Variants in GALNT17 observed in about 807,000 individuals in gnomAD.
GALNT17 encodes polypeptide N-acetylgalactosaminyltransferase 17.
GALNT17 carries 29 observed loss-of-function variants against 63.7 expected under a neutral mutation model. The ratio of observed to expected loss-of-function variants is 0.46; its 90% CI spans 0.34 to 0.62. The LOEUF is 0.62. GALNT17 is among the 20% of genes least tolerant of loss of function. GALNT17 has a pLI of 0.01. For missense variants in GALNT17, 603 were observed against 799.6 expected, an observed-to-expected ratio of 0.75 and a Z score of 2.97; for synonymous variants, 305 against 318.3, an observed-to-expected ratio of 0.96 and a Z score of 0.45.
At chr7:71,572,504 T>TAAAAAAAAAA (rs371372359) in intron 6 of GALNT17, among the ~76,000 whole-genome samples, 36 of 44,486 alleles carry the variant, frequency 8.1e-4, no homozygotes, top group African/African-American at 3.8e-3. Flanking sequence ...CCTGTCTCAT[T>TAAAAAAAAAA]AAAAAAAAAA....
intron 10 of GALNT17, 130 bp from the exon 11 acceptor site, chr7:71,711,884 CTCTT>C (rs1444395244): frequency 1.5e-5 from 15 of 978,824 alleles, no homozygotes; most frequent in Admixed American, 8.0e-5. Context: ...CTCTGTCTCT[CTCTT>C]TCTCTTCTCT....
intron 3 of GALNT17, among the ~76,000 whole-genome samples, chr7:71,414,098 G>A (rs1331603791): frequency 4.6e-5 from 7 of 151,918 alleles, no homozygotes; most frequent in Non-Finnish European, 7.4e-5. Context: ...AAAATTAGCC[G>A]GCTGTGGTGA....
At chr7:71,700,375 C>A (rs1447967983) in intron 9 of GALNT17, among the ~76,000 whole-genome samples, 1 of 152,062 alleles carries the variant, frequency 6.6e-6, no homozygotes, top group African/African-American at 2.4e-5. Flanking sequence ...CTTCTTCTAA[C>A]CTTCACTGTC....
At chr7:71,372,136 A>G (rs1173056991) in intron 2 of GALNT17, among the ~76,000 whole-genome samples, 1 of 152,130 alleles carries the variant, frequency 6.6e-6, no homozygotes, top group East Asian at 1.9e-4. Flanking sequence ...ACGCACCACC[A>G]TGCCCACCTA....
At chr7:71,189,477 GAT>G (rs1216242794) in intron 1 of GALNT17, among the ~76,000 whole-genome samples, 1 of 152,150 alleles carries the variant, frequency 6.6e-6, no homozygotes. Context: ...GCGTCAGAGG[GAT>G]TGATAAGACC....
intron 6 of GALNT17, among the ~76,000 whole-genome samples, chr7:71,575,624 G>A (rs1309601185): frequency 1.3e-5 from 2 of 152,010 alleles, no homozygotes; most frequent in Non-Finnish European, 2.9e-5. Context: ...TCCTGACCTC[G>A]TGATCCGCCC....
intron 3 of GALNT17, among the ~76,000 whole-genome samples, chr7:71,405,906 C>T (rs113434036): frequency 1.4e-4 from 22 of 152,268 alleles, no homozygotes; most frequent in African/African-American, 4.3e-4. Context: ...TCTGTGCTTC[C>T]GTTTTCTCAT....
At chr7:71,169,208 G>A (rs1378961662) in intron 1 of GALNT17, among the ~76,000 whole-genome samples, 1 of 152,044 alleles carries the variant, frequency 6.6e-6, no homozygotes, top group East Asian at 1.9e-4. Flanking sequence ...AAGTAATTAC[G>A]ATTTTTGCAC....
chr7:71,323,984 G>A (rs1242943669), intron 1 of GALNT17, among the ~76,000 whole-genome samples: 1 of 152,142 alleles, frequency 6.6e-6, no homozygotes, highest in Non-Finnish European at 1.5e-5. Flanking sequence ...GTCCAGAAAG[G>A]ATTTCCGGGG....
chr7:71,555,720 G>A (rs531466733), intron 5 of GALNT17, among the ~76,000 whole-genome samples: 1 of 152,200 alleles, frequency 6.6e-6, no homozygotes, highest in Middle Eastern at 3.4e-3. Flanking sequence ...CCTCAACACA[G>A]GCAAGTTTTC....
At position 71,695,382 on chromosome 7, in the gene GALNT17, G is replaced by C. The variant is rs74802638; in HGVS notation, c.1501-15379G>C. On this transcript the variant is annotated intron_variant, in intron 9 of 10. Transcript: ENST00000333538. ...ACATAGTGCTTGAATCCAGCATGATGAGTCATATGGCAGAAGGGAGAAGCC... is the reference window on the plus strand; with the variant it reads ...ACATAGTGCTTGAATCCAGCATGATCAGTCATATGGCAGAAGGGAGAAGCC... Among the ~76,000 whole-genome samples the C allele has an allele frequency of 1.9e-3, 287 of 152,292 alleles. 2 individuals carry two copies. Among genetic ancestry groups the C allele is most frequent in the African/African-American group, 6.2e-3 (258 of 41,574 alleles).
chr7:71,151,348 G>A (rs553164148), intron 1 of GALNT17, among the ~76,000 whole-genome samples: 2 of 152,290 alleles, frequency 1.3e-5, no homozygotes, highest in South Asian at 2.1e-4. Context: ...TTGGCTGGGC[G>A]TGGTGGCTCA....
intron 5 of GALNT17, among the ~76,000 whole-genome samples, chr7:71,515,978 G>A (rs897012397): frequency 7.9e-5 from 12 of 152,150 alleles, no homozygotes; most frequent in South Asian, 2.1e-4. Flanking sequence ...CTGGATCCAC[G>A]TGTTGCATAT....
chr7:71,136,495 C>CT (rs1480119797), intron 1 of GALNT17, among the ~76,000 whole-genome samples: 2 of 150,990 alleles, frequency 1.3e-5, no homozygotes, highest in Non-Finnish European at 3.0e-5. Context: ...GCTTCCTCTT[C>CT]TTTTTTTTTG....
At chr7:71,511,353 T>C (rs1052580237) in intron 5 of GALNT17, among the ~76,000 whole-genome samples, 2 of 152,156 alleles carry the variant, frequency 1.3e-5, no homozygotes, top group African/African-American at 2.4e-5. Context: ...AGAATGAGGT[T>C]AGGGGAGAGC....
In GALNT17 at chr7:71,489,034, C is replaced by T. The variant is rs542428828; in HGVS notation, c.962+67929C>T. On this transcript the variant is annotated intron_variant, in intron 5 of 10. Transcript: ENST00000333538. ...TCAGCCTCCCAAGTACCTGGGACTA[C>T]AGGCGAGCACCACCACACCTCGCAA... Among the ~76,000 whole-genome samples, 7 of 150,330 alleles carry T rather than the reference C, an allele frequency of 4.7e-5. No individual in the cohort carries two copies. The South Asian group carries it at 6.4e-4, about 14-fold the overall frequency.
chr7:71,655,698 A>G (rs1339052898), intron 6 of GALNT17, among the ~76,000 whole-genome samples: 1 of 152,198 alleles, frequency 6.6e-6, no homozygotes, highest in Non-Finnish European at 1.5e-5. Flanking sequence ...TCTTGGGTCT[A>G]TCTCAGCTCT....
intron 5 of GALNT17, among the ~76,000 whole-genome samples, chr7:71,436,043 C>A (rs904910774): frequency 4.3e-4 from 52 of 119,738 alleles, no homozygotes; most frequent in Non-Finnish European, 7.1e-4. Context: ...AAAAAAAAAA[C>A]AACTCTGATC....
chr7:71,521,243 T>C (rs570092312), intron 5 of GALNT17, among the ~76,000 whole-genome samples: 47 of 151,056 alleles, frequency 3.1e-4, no homozygotes, highest in Non-Finnish European at 5.1e-4. Context: ...TTTTTTTTTT[T>C]CCCCAAATCA....
Sources: gnomAD v4.1 joint callset for allele counts (sites outside exome capture counted in the v4.1 genomes callset) on GRCh38, gnomAD v4.1.1 for gene constraint, MANE v1.5 for transcripts, NCBI Gene and HGNC (gene_info 2026-07-23, HGNC 2026-07-21) for gene names.